The following LTBP1 variants were observed in gnomAD, a reference collection of about 807,000 sequenced individuals.
The protein encoded by LTBP1 is latent transforming growth factor beta binding protein 1.
In LTBP1, 129 loss-of-function variants were observed where a neutral mutation model predicts 207.6. The observed-to-expected ratio is 0.62, with a 90% CI of 0.54 to 0.72. The LOEUF is 0.72. Ranked by LOEUF, LTBP1 falls within the 30% of genes least tolerant of loss-of-function variation. LTBP1 has a pLI of 0.00. For synonymous variants in LTBP1, 963 were observed against 833.7 expected, an observed-to-expected ratio of 1.16 and a Z score of -2.67; for missense variants, 2,281 against 2,217.2, an observed-to-expected ratio of 1.03 and a Z score of -0.58.
intron 31 of LTBP1, among the ~76,000 whole-genome samples, chr2:33,371,316 CCTCTT>C (rs1163854811): frequency 6.6e-6 from 1 of 152,144 alleles, no homozygotes; most frequent in Non-Finnish European, 1.5e-5. Flanking sequence ...GCCCCTGACT[CCTCTT>C]CTCCTTCCCC....
At chr2:33,120,339 A>G (rs2081033006) in intron 4 of LTBP1, among the ~76,000 whole-genome samples, 1 of 151,472 alleles carries the variant, frequency 6.6e-6, no homozygotes, top group African/African-American at 2.4e-5. Context: ...CCCTCCTTTT[A>G]CCCTCCCACT....
At chr2:33,121,142 A>T (rs2081083159) in intron 4 of LTBP1, among the ~76,000 whole-genome samples, 1 of 145,938 alleles carries the variant, frequency 6.9e-6, no homozygotes, top group Non-Finnish European at 1.5e-5. Context: ...CTTCAGTGGA[A>T]ATAAATTTTG....
At position 33,134,746 on chromosome 2, in the gene LTBP1, T is replaced by G. The variant is rs776272079; in HGVS notation, c.1034-47T>G. 7 of 1,614,120 alleles carry G rather than the reference T, an allele frequency of 4.3e-6. No individual in the cohort carries two copies. The highest frequency in any genetic ancestry group is 5.9e-6 in the Non-Finnish European group (7 of 1,180,000). ...CCTTCCAAGGCAAGTTCATGGATAC[T>G]AAGCTGATGTGTTTGTTGTTCTTTT... On this transcript the variant is annotated intron_variant, in intron 4 of 33. Transcript: ENST00000404816. The surrounding 1 kb of genome is among the most constrained non-coding windows in gnomAD (Gnocchi z 4.4).
chr2:33,128,525 C>G (rs1284009599), intron 4 of LTBP1, among the ~76,000 whole-genome samples: 1 of 152,218 alleles, frequency 6.6e-6, no homozygotes, highest in East Asian at 1.9e-4. Context: ...AGCTGTGCTG[C>G]TGCGAAGACT....
intron 3 of LTBP1, among the ~76,000 whole-genome samples, chr2:33,078,955 T>C (rs994379513): frequency 2.0e-4 from 29 of 145,960 alleles, no homozygotes; most frequent in Admixed American, 1.9e-3. Context: ...GCCTCCCTGC[T>C]TCAAGCGATT....
chr2:33,019,176 C>T (rs1446252233), intron 2 of LTBP1, among the ~76,000 whole-genome samples: 1 of 151,904 alleles, frequency 6.6e-6, no homozygotes, highest in Admixed American at 6.6e-5. Context: ...GTGTGATCTG[C>T]CTCAGGACCA....
At chr2:33,312,548 A>G (rs376373369) in intron 23 of LTBP1, among the ~76,000 whole-genome samples, 5 of 151,706 alleles carry the variant, frequency 3.3e-5, no homozygotes, top group African/African-American at 1.2e-4. Flanking sequence ...AACCCAACTT[A>G]AATATAGTCT....
chr2:32,947,901 A>G (rs7564436), intron 1 of LTBP1, 83 bp downstream of exon 1: 24 of 1,192,118 alleles, frequency 2.0e-5, no homozygotes, highest in Non-Finnish European at 2.5e-5. Context: ...GGCCACTCGG[A>G]GCCCCGCGGT....
intron 7 of LTBP1, among the ~76,000 whole-genome samples, chr2:33,210,827 C>T (rs2090255603): frequency 6.6e-6 from 1 of 152,200 alleles, no homozygotes; most frequent in Non-Finnish European, 1.5e-5. Context: ...GAATCTCTCT[C>T]CCCAGTAGAG....
chr2:33,194,746 A>G (rs1435161490), intron 7 of LTBP1, among the ~76,000 whole-genome samples: 1 of 152,236 alleles, frequency 6.6e-6, no homozygotes, highest in African/African-American at 2.4e-5. Context: ...GATCACTGAT[A>G]AAGGTGGCTA....
rs573355937 is a variant in LTBP1, at chr2:33,175,947, T to C, written c.1202-10909T>C. Among the ~76,000 whole-genome samples the C allele has an allele frequency of 2.3e-4, 27 of 116,738 alleles. No individual in the cohort carries two copies. The South Asian group carries it at 5.9e-3, about 26-fold the overall frequency. 76.6% of individuals were successfully genotyped at this position (116,738 alleles called of 152,430 possible). Reference sequence around the variant, plus strand: ...GCATATCCTCACTCATAGGTGGGAATTGAACAGTGAGAACCCATGGACACA... The same window carrying C: ...GCATATCCTCACTCATAGGTGGGAACTGAACAGTGAGAACCCATGGACACA... On this transcript the variant is annotated intron_variant, in intron 5 of 33. Transcript: ENST00000404816.
chr2:33,152,449 C>T (rs1032468061), intron 5 of LTBP1, among the ~76,000 whole-genome samples: 1 of 152,144 alleles, frequency 6.6e-6, no homozygotes, highest in Non-Finnish European at 1.5e-5. Context: ...GAACAGGGAA[C>T]ACTTGTACAC....
intron 3 of LTBP1, among the ~76,000 whole-genome samples, chr2:33,083,344 A>G (rs2078553328): frequency 6.6e-6 from 1 of 152,020 alleles, no homozygotes; most frequent in South Asian, 2.1e-4. Flanking sequence ...AAAAAATTAG[A>G]TCATTTCTCA....
chr2:33,380,055 CATAAA>C (rs1462446379), intron 31 of LTBP1, among the ~76,000 whole-genome samples: 4 of 152,130 alleles, frequency 2.6e-5, no homozygotes, highest in African/African-American at 9.7e-5. Context: ...TTTGGAATAT[CATAAA>C]ATTTCTGTAA....
intron 5 of LTBP1, among the ~76,000 whole-genome samples, chr2:33,154,233 A>G (rs893305076): frequency 3.3e-5 from 5 of 152,160 alleles, no homozygotes; most frequent in African/African-American, 9.7e-5. Flanking sequence ...TCTGTATGGC[A>G]TCTTTAAAAA....
intron 20 of LTBP1, among the ~76,000 whole-genome samples, chr2:33,295,815 T>C (rs1237538956): frequency 2.0e-5 from 3 of 152,190 alleles, no homozygotes; most frequent in Admixed American, 6.5e-5. Context: ...TTTCTCACTA[T>C]GGTAGGCAAG....
At position 33,301,586 on chromosome 2, in the gene LTBP1, T is replaced by C; in HGVS notation, c.3423T>C (p.Ser1141=). Residue 1141 remains serine (S), a synonymous_variant, in exon 22 of 34, where the codon TCT becomes TCC. Coordinates refer to ENST00000404816, the MANE Select transcript of LTBP1 (RefSeq NM_206943.4). ...AHGQCRNTEG[S]FQCVCDQGYR... Reference sequence around the variant, plus strand: ...GGCAGTGCAGGAACACTGAGGGCTCTTTTCAATGTGTGTGTGACCAGGGTT... The same window carrying C: ...GGCAGTGCAGGAACACTGAGGGCTCCTTTCAATGTGTGTGTGACCAGGGTT... 2 of 1,613,250 alleles carry C rather than the reference T, an allele frequency of 1.2e-6. No homozygotes were observed. Among genetic ancestry groups the C allele is most frequent in the Admixed American group, 3.3e-5 (2 of 59,802 alleles).
chr2:33,011,107 CAA>C (rs1558510241), intron 2 of LTBP1, among the ~76,000 whole-genome samples: 30 of 152,080 alleles, frequency 2.0e-4, no homozygotes, highest in Admixed American at 5.2e-4. Context: ...TATTTGCATA[CAA>C]AATTCCCTAG....
intron 24 of LTBP1, among the ~76,000 whole-genome samples, chr2:33,327,939 CA>C (rs1209974799): frequency 6.6e-6 from 1 of 151,732 alleles, no homozygotes; most frequent in Non-Finnish European, 1.5e-5. Flanking sequence ...AGTTCGAGAC[CA>C]CCCTGACCAA....
Sources: allele counts gnomAD v4.1 joint callset (sites outside exome capture counted in the v4.1 genomes callset), GRCh38; gene constraint gnomAD v4.1.1; non-coding constraint Gnocchi (gnomAD v3.1); transcripts MANE v1.5; gene names NCBI Gene and HGNC (gene_info 2026-07-23, HGNC 2026-07-21).